The following SH3PXD2A variants were observed in gnomAD, a reference collection of about 807,000 sequenced individuals.
The protein encoded by SH3PXD2A is SH3 and PX domains 2A, also known as SH3 and PX domain-containing protein 2A.
In SH3PXD2A, 32 loss-of-function variants were observed where a neutral mutation model predicts 115.2. That is an observed-to-expected ratio of 0.28 (90% CI 0.21 to 0.37). The LOEUF (loss-of-function observed/expected upper bound fraction) is 0.37. Ranked by LOEUF, SH3PXD2A falls within the 10% of genes least tolerant of loss-of-function variation. The pLI is 1.00. For missense variants in SH3PXD2A, 1,328 were observed against 1,498.7 expected (o/e 0.89, Z 1.88); for synonymous variants, 610 against 629.1 (o/e 0.97, Z 0.45).
chr10:103,694,860 G>C (rs2037805869), intron 5 of SH3PXD2A, among the ~76,000 whole-genome samples: 1 of 152,150 alleles, frequency 6.6e-6, no homozygotes, highest in Non-Finnish European at 1.5e-5. Context: ...CCCTCCCCTG[G>C]CTCCCACCAG....
At chr10:103,842,460 A>G (rs2039610401) in intron 1 of SH3PXD2A, among the ~76,000 whole-genome samples, 1 of 152,146 alleles carries the variant, frequency 6.6e-6, no homozygotes. Flanking sequence ...TGTTAACTAC[A>G]ATTTCCTTAC....
At chr10:103,684,444 C>T (rs113786670) in intron 6 of SH3PXD2A, among the ~76,000 whole-genome samples, 6 of 152,066 alleles carry the variant, frequency 3.9e-5, no homozygotes, top group East Asian at 1.9e-4. Context: ...CTGCAAACTC[C>T]GCCCCCTGGG....
At chr10:103,619,027 C>T (rs922159468) in intron 10 of SH3PXD2A, among the ~76,000 whole-genome samples, 15 of 151,052 alleles carry the variant, frequency 9.9e-5, no homozygotes, top group African/African-American at 2.7e-4. Flanking sequence ...CAAATTCAAA[C>T]GGCTGCCCAA....
intron 2 of SH3PXD2A, among the ~76,000 whole-genome samples, chr10:103,796,715 C>T (rs902006496): frequency 2.0e-5 from 3 of 152,202 alleles, no homozygotes; most frequent in Non-Finnish European, 4.4e-5. Flanking sequence ...TTTCTACTTC[C>T]ACCCTCGCCT....
intron 2 of SH3PXD2A, among the ~76,000 whole-genome samples, chr10:103,773,240 A>AAG (rs1554921978): frequency 1.5e-5 from 2 of 129,300 alleles, no homozygotes; most frequent in Non-Finnish European, 3.7e-5. Context: ...AAAAAAAAAA[A>AAG]AGAGAAAAAA....
At chr10:103,658,863 T>C (rs2037249876) in intron 8 of SH3PXD2A, among the ~76,000 whole-genome samples, 1 of 152,138 alleles carries the variant, frequency 6.6e-6, no homozygotes, top group Admixed American at 6.5e-5. Context: ...AGCCACAAGG[T>C]CATCTCCATT....
At chr10:103,637,501 C>T (rs994457316) in intron 8 of SH3PXD2A, among the ~76,000 whole-genome samples, 2 of 152,012 alleles carry the variant, frequency 1.3e-5, no homozygotes, top group South Asian at 2.1e-4. Context: ...GAAGACAGGC[C>T]CTGCCTCAAA....
At chr10:103,667,980 T>A (rs544456013) in intron 7 of SH3PXD2A, among the ~76,000 whole-genome samples, 5 of 152,302 alleles carry the variant, frequency 3.3e-5, no homozygotes, top group Admixed American at 3.3e-4. Context: ...CTGAGGGCCA[T>A]CTCAGCCAGG....
At chr10:103,818,001 G>C (rs1761207353) in intron 1 of SH3PXD2A, among the ~76,000 whole-genome samples, 1 of 152,220 alleles carries the variant, frequency 6.6e-6, no homozygotes, top group Non-Finnish European at 1.5e-5. Flanking sequence ...CTGTGGTTGA[G>C]AGTTGCACTA....
chr10:103,615,483 GGTGTGT>G (rs57711259), intron 11 of SH3PXD2A, among the ~76,000 whole-genome samples: 5,052 of 128,502 alleles, frequency 0.039, 165 homozygotes, highest in Non-Finnish European at 0.056. Flanking sequence ...AGAGTGCGAG[GGTGTGT>G]GTGTGTGTGT....
chr10:103,852,815 G>C (rs1403341983), intron 1 of SH3PXD2A, among the ~76,000 whole-genome samples: 1 of 152,142 alleles, frequency 6.6e-6, no homozygotes, highest in South Asian at 2.1e-4. Flanking sequence ...CCCCAAATGG[G>C]TAGAAACTTT....
chr10:103,830,617 G>A (rs977849778), intron 1 of SH3PXD2A, among the ~76,000 whole-genome samples: 12 of 152,234 alleles, frequency 7.9e-5, no homozygotes, highest in African/African-American at 2.9e-4. Flanking sequence ...ATGAGTAAGT[G>A]TGGTGGACAT....
chr10:103,812,370 A>G (rs542784701), intron 1 of SH3PXD2A, among the ~76,000 whole-genome samples: 4 of 152,322 alleles, frequency 2.6e-5, no homozygotes, highest in East Asian at 1.9e-4. Context: ...GAAAAGCTCA[A>G]TGCTCCCAGA....
chr10:103,812,298 G>C (rs932893261), intron 1 of SH3PXD2A, among the ~76,000 whole-genome samples: 3 of 152,244 alleles, frequency 2.0e-5, no homozygotes, highest in African/African-American at 7.2e-5. Flanking sequence ...CAGGAGCCCA[G>C]AGAGGGCGAT....
chr10:103,845,330 CAA>C (rs371956451), intron 1 of SH3PXD2A, among the ~76,000 whole-genome samples: 19 of 37,858 alleles, frequency 5.0e-4, no homozygotes, highest in East Asian at 1.5e-3. Flanking sequence ...GACTTCATCT[CAA>C]AAAAAAAAAA....
intron 5 of SH3PXD2A, among the ~76,000 whole-genome samples, chr10:103,698,462 C>G (rs906301341): frequency 6.6e-6 from 1 of 152,230 alleles, no homozygotes; most frequent in African/African-American, 2.4e-5. Context: ...GCGGGGCCTA[C>G]AGCCACTGGG....
At chr10:103,740,304 A>G (rs1358103000) in intron 3 of SH3PXD2A, among the ~76,000 whole-genome samples, 1 of 152,188 alleles carries the variant, frequency 6.6e-6, no homozygotes, top group African/African-American at 2.4e-5. Flanking sequence ...TTTAAAGCTT[A>G]GAGAGTGTGG....
At chr10:103,629,006 C>A (rs751418102) in intron 8 of SH3PXD2A, among the ~76,000 whole-genome samples, 1 of 152,208 alleles carries the variant, frequency 6.6e-6, no homozygotes, top group Non-Finnish European at 1.5e-5. Flanking sequence ...TTGATTGGAG[C>A]CTAAGCAGGC....
chr10:103,708,172 G>C (rs2038003405), intron 5 of SH3PXD2A, among the ~76,000 whole-genome samples: 1 of 152,188 alleles, frequency 6.6e-6, no homozygotes, highest in South Asian at 2.1e-4. Flanking sequence ...CCTCCCTGCA[G>C]GCCTTCCTGA....
Sources: gnomAD v4.1 joint callset for allele counts (sites outside exome capture counted in the v4.1 genomes callset) on GRCh38, gnomAD v4.1.1 for gene constraint, MANE v1.5 for transcripts, NCBI Gene and HGNC (gene_info 2026-07-23, HGNC 2026-07-21) for gene names.